TAFA2: variants seen among roughly 807,000 people sequenced by gnomAD.
The protein encoded by TAFA2 is chemokine-like protein TAFA-2.
A neutral mutation model predicts 18.8 loss-of-function variants in TAFA2; 7 were observed. The observed-to-expected ratio is 0.37, with a 90% CI of 0.21 to 0.70. The LOEUF (loss-of-function observed/expected upper bound fraction) is 0.70. Ranked by LOEUF, TAFA2 falls within the 30% of genes least tolerant of loss-of-function variation. The pLI, the probability that TAFA2 is intolerant of heterozygous loss-of-function variation, is 0.53. For missense variants in TAFA2, 122 were observed against 158.1 expected (o/e 0.77, Z 1.23); for synonymous variants, 60 against 54.2 (o/e 1.11, Z -0.47).
At chr12:62,166,497 T>C (rs2062440847) in intron 1 of TAFA2, among the ~76,000 whole-genome samples, 1 of 152,186 alleles carries the variant, frequency 6.6e-6, no homozygotes, top group South Asian at 2.1e-4. Context: ...TCCAAATGGA[T>C]TAAAGCAAAC....
intron 2 of TAFA2, among the ~76,000 whole-genome samples, chr12:61,769,292 G>C (rs1003604087): frequency 6.6e-6 from 1 of 151,150 alleles, no homozygotes; most frequent in African/African-American, 2.4e-5. Context: ...CATAATTACT[G>C]GGGGGCTCCA....
chr12:61,855,275 G>A (rs1238298077), intron 2 of TAFA2, among the ~76,000 whole-genome samples: 1 of 152,130 alleles, frequency 6.6e-6, no homozygotes, highest in Non-Finnish European at 1.5e-5. Flanking sequence ...CTTAAGAGCT[G>A]GAAGTATGTC....
intron 1 of TAFA2, among the ~76,000 whole-genome samples, chr12:62,111,088 T>C (rs1869708745): frequency 6.6e-6 from 1 of 152,172 alleles, no homozygotes; most frequent in South Asian, 2.1e-4. Context: ...AGGGTGTTGA[T>C]TTTAGATCTT....
intron 1 of TAFA2, among the ~76,000 whole-genome samples, chr12:61,936,315 C>G (rs1286635519): frequency 1.3e-5 from 2 of 151,992 alleles, no homozygotes; most frequent in Non-Finnish European, 2.9e-5. Context: ...GCCTGTAATC[C>G]CAGCACTTTG....
chr12:62,067,933 ACTTTC>A (rs1323919885), intron 1 of TAFA2, among the ~76,000 whole-genome samples: 4 of 152,104 alleles, frequency 2.6e-5, no homozygotes, highest in Admixed American at 6.5e-5. Flanking sequence ...TGTGTCTATT[ACTTTC>A]CTTTTCTTTC....
At chr12:61,981,416 A>G (rs1286134607) in intron 1 of TAFA2, among the ~76,000 whole-genome samples, 2 of 152,214 alleles carry the variant, frequency 1.3e-5, no homozygotes, top group Non-Finnish European at 2.9e-5. Context: ...CTTCATGTCT[A>G]AAACAACAAA....
intron 2 of TAFA2, among the ~76,000 whole-genome samples, chr12:61,846,427 A>G (rs952976623): frequency 6.6e-6 from 1 of 152,138 alleles, no homozygotes; most frequent in Admixed American, 6.6e-5. Context: ...AGTGATAATC[A>G]TTCTAGTACT....
intron 1 of TAFA2, among the ~76,000 whole-genome samples, chr12:61,897,032 T>C (rs1875877963): frequency 6.6e-6 from 1 of 152,138 alleles, no homozygotes; most frequent in African/African-American, 2.4e-5. Flanking sequence ...TTGATACATA[T>C]AAAATAAGTA....
At chr12:61,865,834 C>T (rs975995115) in intron 2 of TAFA2, among the ~76,000 whole-genome samples, 1 of 152,168 alleles carries the variant, frequency 6.6e-6, no homozygotes, top group African/African-American at 2.4e-5. Flanking sequence ...CCCCACTCCT[C>T]CAATTCTTCT....
chr12:61,786,500 A>C (rs1870744506), intron 2 of TAFA2, among the ~76,000 whole-genome samples: 1 of 151,630 alleles, frequency 6.6e-6, no homozygotes, highest in Non-Finnish European at 1.5e-5. Flanking sequence ...TAAAAATTGA[A>C]ATTGATCCAG....
intron 3 of TAFA2, among the ~76,000 whole-genome samples, chr12:61,753,975 G>A (rs1390431890): frequency 2.0e-5 from 3 of 151,888 alleles, no homozygotes; most frequent in Non-Finnish European, 4.4e-5. Flanking sequence ...CACTTAACAT[G>A]AGATCTATCC....
chr12:61,877,294 T>C (rs1362058799), intron 1 of TAFA2, among the ~76,000 whole-genome samples: 1 of 152,206 alleles, frequency 6.6e-6, no homozygotes, highest in African/African-American at 2.4e-5. Flanking sequence ...CTACTCTAAC[T>C]TCTATTTGCC....
chr12:62,149,704 A>G (rs988076431), intron 1 of TAFA2, among the ~76,000 whole-genome samples: 8 of 151,978 alleles, frequency 5.3e-5, no homozygotes, highest in Middle Eastern at 3.4e-3. Flanking sequence ...AACTATGACA[A>G]AATATAAGCA....
At chr12:62,199,184 C>A (rs1026042523) in intron 1 of TAFA2, among the ~76,000 whole-genome samples, 1 of 152,094 alleles carries the variant, frequency 6.6e-6, no homozygotes. Context: ...AGGCCACATG[C>A]CTTTTTATTT....
intron 2 of TAFA2, among the ~76,000 whole-genome samples, chr12:61,805,514 T>C (rs939715459): frequency 3.9e-5 from 6 of 152,152 alleles, no homozygotes; most frequent in African/African-American, 1.4e-4. Flanking sequence ...TTTCAAAAGA[T>C]TCATTGTCCA....
chr12:62,151,492 A>G (rs989011080), intron 1 of TAFA2, among the ~76,000 whole-genome samples: 1 of 152,244 alleles, frequency 6.6e-6, no homozygotes, highest in Non-Finnish European at 1.5e-5. Flanking sequence ...GAATGACAAT[A>G]TATATGGTTC....
rs1251054800 is a variant in TAFA2 at position 62,153,216 on chromosome 12, T to A, written c.-2+38043A>T. Among the ~76,000 whole-genome samples, 5 of 152,186 alleles carry A rather than the reference T, an allele frequency of 3.3e-5. No homozygotes were observed. The East Asian group carries it at 9.6e-4, about 29-fold the overall frequency. On this transcript the variant is annotated intron_variant, in intron 1 of 4. Coordinates refer to ENST00000416284, the MANE Select transcript of TAFA2 (RefSeq NM_178539.5). ...TGGATTTATCTGCTACCCATGCAGG[T>A]GTTTGTCACACTTGAACTATCACAT...
chr12:61,963,382 G>A (rs114913466), intron 1 of TAFA2, among the ~76,000 whole-genome samples: 2,339 of 151,922 alleles, frequency 0.015, 71 homozygotes, highest in African/African-American at 0.052. Context: ...TTGAATGATC[G>A]CCATTCAAAA....
intron 4 of TAFA2, among the ~76,000 whole-genome samples, chr12:61,730,870 G>C (rs757416241): frequency 4.6e-5 from 7 of 152,112 alleles, no homozygotes; most frequent in Non-Finnish European, 8.8e-5. Flanking sequence ...AGGGATTTCA[G>C]GCTTTGCCCC....
Sources: allele counts gnomAD v4.1 joint callset (sites outside exome capture counted in the v4.1 genomes callset), GRCh38; gene constraint gnomAD v4.1.1; transcripts MANE v1.5; gene names NCBI Gene and HGNC (gene_info 2026-07-23, HGNC 2026-07-21).